POU3F3: variants seen among roughly 807,000 people sequenced by gnomAD.
POU3F3 encodes POU domain, class 3, transcription factor 3.
A neutral mutation model predicts 8.6 loss-of-function variants in POU3F3; 1 was observed. The observed-to-expected ratio is 0.12, with a 90% confidence interval of 0.04 to 0.55. POU3F3 has a LOEUF of 0.55. Ranked by LOEUF, POU3F3 falls within the 20% of genes least tolerant of loss-of-function variation. POU3F3 has a pLI of 0.91. For synonymous variants in POU3F3, 418 were observed against 327.4 expected, an observed-to-expected ratio of 1.28 and a Z score of -2.99; for missense variants, 577 against 690.7, an observed-to-expected ratio of 0.84 and a Z score of 1.84.
rs1363210354 is a variant in POU3F3 at position 104,858,003 on chromosome 2, C to T, written c.*990C>T. Reference sequence around the variant, plus strand: ...CGCCGAGCCAGGCCCGGCCGCGTACCCAGGCTTTGACGGCTGCCATTCAGG... The same window carrying T: ...CGCCGAGCCAGGCCCGGCCGCGTACTCAGGCTTTGACGGCTGCCATTCAGG... On this transcript the variant is annotated 3_prime_UTR_variant, in exon 1 of 1. Transcript: ENST00000361360. 2 of 152,188 alleles carry T rather than the reference C, an allele frequency of 1.3e-5. No homozygotes were observed. The highest frequency in any genetic ancestry group is 2.4e-5 in the African/African-American group (1 of 41,452). The allele number at this position is 152,188 out of a possible 1,614,324, so 9.4% of individuals were successfully genotyped here.
At chr2:104,878,992 C>A in the POU3F3 span, among the ~76,000 whole-genome samples, 2 of 151,938 alleles carry the variant, frequency 1.3e-5, no homozygotes, top group African/African-American at 4.8e-5. Context: ...GCACACACAA[C>A]ACACAACATA....
the POU3F3 span, among the ~76,000 whole-genome samples, chr2:104,918,948 C>G: frequency 6.6e-6 from 1 of 151,680 alleles, no homozygotes; most frequent in Admixed American, 6.6e-5. Context: ...CTCAGCTCAC[C>G]CCAACCTCCG....
chr2:104,881,121 A>ACTTTCTTTCTCTCTTTCTTTCTTTCTTT, the POU3F3 span, among the ~76,000 whole-genome samples: 1 of 142,064 alleles, frequency 7.0e-6, no homozygotes, highest in African/African-American at 2.6e-5. Context: ...TTTATTTCTT[A>ACTTTCTTTCTCTCTTTCTTTCTTTCTTT]CTTTCTTTCT....
the POU3F3 span, among the ~76,000 whole-genome samples, chr2:104,903,991 T>C: frequency 6.6e-6 from 1 of 152,164 alleles, no homozygotes; most frequent in African/African-American, 2.4e-5. Flanking sequence ...AAGATTCAGA[T>C]TCTTAGCTGA....
the POU3F3 span, among the ~76,000 whole-genome samples, chr2:104,882,403 C>T: frequency 6.6e-6 from 1 of 152,028 alleles, no homozygotes; most frequent in Non-Finnish European, 1.5e-5. Flanking sequence ...AGGCGCCTGC[C>T]ACCATGCCCG....
At chr2:104,873,252 C>T in the POU3F3 span, among the ~76,000 whole-genome samples, 1 of 152,302 alleles carries the variant, frequency 6.6e-6, no homozygotes, top group East Asian at 1.9e-4. Flanking sequence ...CCCGCACGTC[C>T]GGGACCCCTT....
the POU3F3 span, among the ~76,000 whole-genome samples, chr2:104,922,392 C>CAA: frequency 3.9e-3 from 277 of 70,870 alleles, 4 homozygotes; most frequent in Middle Eastern, 0.011. Flanking sequence ...TGAAGATGCT[C>CAA]AAAAAAAAAA....
the POU3F3 span, chr2:104,866,185 T>C: frequency 1.3e-5 from 2 of 152,140 alleles, no homozygotes; most frequent in Non-Finnish European, 2.9e-5. Context: ...GAGACGGGTA[T>C]TAAGTGAGTG....
the POU3F3 span, among the ~76,000 whole-genome samples, chr2:104,911,578 G>A: frequency 6.6e-6 from 1 of 152,110 alleles, no homozygotes; most frequent in Admixed American, 6.5e-5. Context: ...TGGGAGAAGA[G>A]CATCTCCCAG....
At chr2:104,893,150 C>T in the POU3F3 span, among the ~76,000 whole-genome samples, 1 of 152,200 alleles carries the variant, frequency 6.6e-6, no homozygotes, top group African/African-American at 2.4e-5. Context: ...TCAGAACCCT[C>T]CAAGTCACTC....
At chr2:104,882,093 T>C in the POU3F3 span, among the ~76,000 whole-genome samples, 51 of 152,346 alleles carry the variant, frequency 3.3e-4, no homozygotes, top group African/African-American at 1.2e-3. Context: ...TGTTAAGGAA[T>C]AGGTTTCTAA....
At chr2:104,924,085 A>T in the POU3F3 span, among the ~76,000 whole-genome samples, 1 of 152,224 alleles carries the variant, frequency 6.6e-6, no homozygotes, top group Non-Finnish European at 1.5e-5. Flanking sequence ...TAATTGCACA[A>T]CATAAATGTA....
At chr2:104,900,447 CTAACT>C in the POU3F3 span, among the ~76,000 whole-genome samples, 1 of 152,206 alleles carries the variant, frequency 6.6e-6, no homozygotes, top group African/African-American at 2.4e-5. Flanking sequence ...CAGTTTCCCC[CTAACT>C]TAAGTCTTTT....
the POU3F3 span, among the ~76,000 whole-genome samples, chr2:104,911,405 A>T: frequency 7.2e-6 from 1 of 137,946 alleles, no homozygotes; most frequent in South Asian, 2.4e-4. Flanking sequence ...ACAGAGCGAG[A>T]CTCCGTCTCA....
the POU3F3 span, among the ~76,000 whole-genome samples, chr2:104,898,196 G>A: frequency 1.3e-5 from 2 of 152,214 alleles, no homozygotes; most frequent in Non-Finnish European, 2.9e-5. Context: ...GAGGTAGGCA[G>A]TCTGCAGCCT....
rs568979221 is a variant in POU3F3 at position 104,858,508 on chromosome 2, A to G, written c.*1495A>G. ...GGGTATCTTTTGATGTGATCATTTG[A>G]TTGTAATTTAATTTGAGTAGTGATT... On this transcript the variant is annotated 3_prime_UTR_variant, in exon 1 of 1. Transcript: ENST00000361360. 1 of 152,186 alleles carries G rather than the reference A, an allele frequency of 6.6e-6. No individual in the cohort carries two copies. Among genetic ancestry groups the G allele is most frequent in the African/African-American group, 2.4e-5 (1 of 41,440 alleles). 9.4% of individuals were successfully genotyped at this position (152,186 alleles called of 1,614,324 possible).
In POU3F3 at chr2:104,858,567, G is replaced by C. The variant is rs552255787; in HGVS notation, c.*1554G>C. The stretch of plus-strand genomic sequence containing the variant: ...GCTGATCGAGAAAATAAATTTGTTA[G>C]AATGAAATAGTCTGTGTCTGATGCG... On this transcript the variant is annotated 3_prime_UTR_variant, in exon 1 of 1. Transcript: ENST00000361360. 7 of 152,288 alleles carry C rather than the reference G, an allele frequency of 4.6e-5. No individual in the cohort carries two copies. The East Asian group carries it at 1.4e-3, about 29-fold the overall frequency. The allele number at this position is 152,288 out of a possible 1,614,324, so 9.4% of individuals were successfully genotyped here.
At chr2:104,916,585 C>T in the POU3F3 span, among the ~76,000 whole-genome samples, 3 of 152,154 alleles carry the variant, frequency 2.0e-5, no homozygotes, top group East Asian at 5.8e-4. Context: ...TGTTTGACGT[C>T]CCCCAGCAGG....
At chr2:104,879,082 TAC>T in the POU3F3 span, among the ~76,000 whole-genome samples, 2 of 151,192 alleles carry the variant, frequency 1.3e-5, no homozygotes, top group Admixed American at 6.6e-5. Flanking sequence ...GCACACACTA[TAC>T]ACACACACCA....
Sources: gnomAD v4.1 joint callset for allele counts (sites outside exome capture counted in the v4.1 genomes callset) on GRCh38, gnomAD v4.1.1 for gene constraint, MANE v1.5 for transcripts, NCBI Gene and HGNC (gene_info 2026-07-23, HGNC 2026-07-21) for gene names.